ALG12: variants seen among roughly 807,000 people sequenced by gnomAD.
ALG12 encodes the protein dol-P-Man:Man(7)GlcNAc(2)-PP-Dol alpha-1,6-mannosyltransferase.
ALG12 carries 36 observed loss-of-function variants against 46.0 expected under a neutral mutation model. The observed-to-expected ratio is 0.78, with a 90% CI of 0.60 to 1.03. The LOEUF is 1.03. Among genes scored for constraint, ALG12 ranks in the 50% least tolerant of loss-of-function variants. The pLI is 0.00. For missense variants in ALG12, 599 were observed against 633.5 expected (o/e 0.95, Z 0.58); for synonymous variants, 326 against 291.6 (o/e 1.12, Z -1.20).
the ALG12 span, chr22:49,884,220 A>G: frequency 4.4e-6 from 7 of 1,601,546 alleles, no homozygotes; most frequent in Non-Finnish European, 6.0e-6. Context: ...CCTCTCCCTC[A>G]CTCCTGCTTC....
Position 49,910,452 on chromosome 22 carries a change from C to T in ALG12, c.451G>A (p.Val151Met), listed in dbSNP as rs1243655390. ...TACGTACCTACAGGCAGGGCCAGCA[C>T]ATTGGGCAGTGTCCGCGTGCAGTAG... ...MFYCTRTLPN[V>M]LALPVVLLAL... The change falls in exon 4 of 10, where the codon GTG becomes ATG. Residue 151 changes from valine (V) to methionine (M), a missense_variant. By Grantham distance (21) the Val-to-Met change is conservative. Coordinates refer to ENST00000330817, the MANE Select transcript of ALG12 (RefSeq NM_024105.4). 1.2e-6 allele frequency: 2 copies of T among 1,613,430 alleles called. No individual in the cohort carries two copies. Among genetic ancestry groups the T allele is most frequent in the African/African-American group, 2.7e-5 (2 of 74,930 alleles).
At chr22:49,879,194 G>A in the ALG12 span, among the ~76,000 whole-genome samples, 3 of 148,920 alleles carry the variant, frequency 2.0e-5, no homozygotes, top group African/African-American at 7.4e-5. Flanking sequence ...GCGCAATCTC[G>A]GCTCACTGTA....
Position 49,915,313 on chromosome 22 carries a change from C to T in ALG12, c.-78-1470G>A, listed in dbSNP as rs1455332909. Among the ~76,000 whole-genome samples, 3 of 152,160 alleles carry T rather than the reference C, an allele frequency of 2.0e-5. 1 individual carries two copies. In the South Asian group the frequency reaches 6.2e-4, roughly 32 times the overall value. ...GTGGCTCATTCCCATAATCCCAGCT[C>T]TTCGGGAGGCTGAGGTGGGTGGATC... On this transcript the variant is annotated intron_variant, in intron 1 of 9. Coordinates refer to ENST00000330817, the MANE Select transcript of ALG12 (RefSeq NM_024105.4).
At chr22:49,877,627 C>T in the ALG12 span, among the ~76,000 whole-genome samples, 2 of 152,064 alleles carry the variant, frequency 1.3e-5, no homozygotes, top group Non-Finnish European at 2.9e-5. Flanking sequence ...AATTGATATA[C>T]AATAAACACA....
Position 49,905,743 on chromosome 22 carries a change from T to C in ALG12, c.993-1237A>G, listed in dbSNP as rs1439646553. On this transcript the variant is annotated intron_variant, in intron 7 of 9. Coordinates refer to ENST00000330817, the MANE Select transcript of ALG12 (RefSeq NM_024105.4). The surrounding 1 kb of genome is among the most constrained non-coding windows in gnomAD (Gnocchi z 4.9). ...GCCAATGAAGCCTCCTCTTTATAAA[T>C]TATCCAGTCTCAGGTGTTTCTTTAC... Among the ~76,000 whole-genome samples, 1 of 152,224 alleles carries C rather than the reference T, an allele frequency of 6.6e-6. No homozygotes were observed. Among genetic ancestry groups the C allele is most frequent in the African/African-American group, 2.4e-5 (1 of 41,462 alleles).
chr22:49,917,524 A>G (rs746750359), intron 1 of ALG12, among the ~76,000 whole-genome samples: 54 of 152,180 alleles, frequency 3.5e-4, no homozygotes, highest in Non-Finnish European at 6.2e-4. Flanking sequence ...TACAAAAATT[A>G]GCCGGACCTG....
At chr22:49,875,418 C>CTTTTTTT in the ALG12 span, among the ~76,000 whole-genome samples, 1 of 145,172 alleles carries the variant, frequency 6.9e-6, no homozygotes. Context: ...AATTTATTTT[C>CTTTTTTT]TTTTTTTTTT....
downstream of ALG12, among the ~76,000 whole-genome samples, chr22:49,899,633 A>C (rs12159367): frequency 0.06 from 9,078 of 152,192 alleles, 742 homozygotes; most frequent in African/African-American, 0.18. Context: ...ATCACCCCGC[A>C]GCCCAGCACT....
At chr22:49,883,835 G>A in the ALG12 span, 11 of 1,611,212 alleles carry the variant, frequency 6.8e-6, no homozygotes, top group African/African-American at 1.3e-5. Context: ...GGTGGGGAGC[G>A]AGCGGGCCTC....
At chr22:49,884,390 A>G in the ALG12 span, 52 of 1,612,580 alleles carry the variant, frequency 3.2e-5, no homozygotes, top group Non-Finnish European at 4.2e-5. Context: ...TCCGTTTCGG[A>G]GAAGTGCGGC....
chr22:49,899,004 C>A (rs530591355), downstream of ALG12, among the ~76,000 whole-genome samples: 18 of 152,162 alleles, frequency 1.2e-4, no homozygotes, highest in East Asian at 2.3e-3. Flanking sequence ...AAAAAATTAA[C>A]CCCAGCCAGG....
At chr22:49,869,166 G>A in the ALG12 span, among the ~76,000 whole-genome samples, 5 of 151,916 alleles carry the variant, frequency 3.3e-5, no homozygotes, top group African/African-American at 1.2e-4. Flanking sequence ...AAAGGGGGAT[G>A]CTCGGTCTTG....
chr22:49,909,939 C>G lies in ALG12; in HGVS notation c.619G>C (p.Val207Leu). Residue 207 changes from valine (V) to leucine (L), a missense_variant, in exon 5 of 10, where the codon GTC becomes CTC. Transcript: ENST00000330817. ...GGGACGGCGTGGCGAAGGGCTCTGA[C>G]TACAGAAACCTTTCGGTTGCCCAAG... ...LALGNRKVSV[V>L]RALRHAVPAG... 6.2e-7 allele frequency: 1 copy of G among 1,614,134 alleles called. No individual in the cohort carries two copies. The highest frequency in any genetic ancestry group is 8.5e-7 in the Non-Finnish European group (1 of 1,180,012).
downstream of ALG12, among the ~76,000 whole-genome samples, chr22:49,896,243 A>AT (rs1418970686): frequency 6.6e-6 from 1 of 152,250 alleles, no homozygotes. Flanking sequence ...CCTAGGCGTC[A>AT]TCCTCATGCT....
At chr22:49,887,255 C>G in the ALG12 span, 74 of 1,451,012 alleles carry the variant, frequency 5.1e-5, no homozygotes, top group African/African-American at 9.6e-4. Flanking sequence ...ATGACCCGCT[C>G]TGCCCACGGC....
intron 3 of ALG12, 129 bp downstream of exon 3, chr22:49,913,256 C>G: frequency 6.9e-7 from 1 of 1,453,428 alleles, no homozygotes; most frequent in South Asian, 1.1e-5. Flanking sequence ...AGCCGCCATG[C>G]CACGGTGATC....
the ALG12 span, among the ~76,000 whole-genome samples, chr22:49,872,822 C>T: frequency 6.6e-6 from 1 of 152,016 alleles, no homozygotes; most frequent in South Asian, 2.1e-4. Flanking sequence ...TCTCCTGCCT[C>T]AGCCTCCCGA....
the ALG12 span, among the ~76,000 whole-genome samples, chr22:49,880,746 T>G: frequency 6.6e-6 from 1 of 152,244 alleles, no homozygotes; most frequent in African/African-American, 2.4e-5. Flanking sequence ...AATTTTAGAC[T>G]TCTGTTTATC....
chr22:49,891,288 G>A, the ALG12 span, among the ~76,000 whole-genome samples: 1 of 152,154 alleles, frequency 6.6e-6, no homozygotes, highest in Non-Finnish European at 1.5e-5. Context: ...AATTTCCATT[G>A]AAAGCTCTGC....
Sources: gnomAD v4.1 joint callset for allele counts (sites outside exome capture counted in the v4.1 genomes callset) on GRCh38, gnomAD v4.1.1 for gene constraint, Gnocchi (gnomAD v3.1) non-coding constraint, MANE v1.5 for transcripts, NCBI Gene and HGNC (gene_info 2026-07-23, HGNC 2026-07-21) for gene names.